Variants in DHX8 observed in about 807,000 individuals in gnomAD.
The protein encoded by DHX8 is ATP-dependent RNA helicase DHX8.
DHX8 carries 67 observed loss-of-function variants against 140.7 expected under a neutral mutation model. The observed-to-expected ratio is 0.48, with a 90% CI of 0.39 to 0.58. DHX8 has a LOEUF of 0.58. Ranked by LOEUF, DHX8 falls within the 20% of genes least tolerant of loss-of-function variation. DHX8 has a pLI of 0.00. For missense variants in DHX8, 887 were observed against 1,550.7 expected (o/e 0.57, Z 7.19); for synonymous variants, 533 against 553.2 (o/e 0.96, Z 0.51).
intron 8 of DHX8, 101 bp downstream of exon 8, chr17:43,493,987 A>G: frequency 2.5e-6 from 3 of 1,193,712 alleles, no homozygotes; most frequent in Non-Finnish European, 3.6e-6. Flanking sequence ...ACTTTTGGCC[A>G]CTGTATTAGT....
chr17:43,497,323 T>C (rs891873922), intron 9 of DHX8, among the ~76,000 whole-genome samples: 25 of 152,368 alleles, frequency 1.6e-4, no homozygotes, highest in African/African-American at 6.0e-4. Flanking sequence ...CTATAATTTA[T>C]CCATTTTACT....
In DHX8 at chr17:43,492,745, A is replaced by G. The variant is rs1378908417; in HGVS notation, c.568A>G (p.Arg190Gly). Residue 190 changes from arginine (R) to glycine (G), a missense_variant, in exon 6 of 23, where the codon AGG becomes GGG. Arg to Gly is a moderately radical substitution (Grantham distance 125). Around this residue, in one of 9 missense-constraint regions of DHX8, gnomAD observed 304 missense variants for 306.9 expected, o/e 0.99. Coordinates refer to ENST00000262415, the MANE Select transcript of DHX8 (RefSeq NM_004941.3). ...RDRNRDRDRD[R>G]ERNRDRDHKR... ...TCGAAACCGAGATCGAGACAGAGATAGGGAACGAAACCGAGATAGAGACCA... is the reference window on the plus strand; with the variant it reads ...TCGAAACCGAGATCGAGACAGAGATGGGGAACGAAACCGAGATAGAGACCA... 6.2e-7 allele frequency: 1 copy of G among 1,613,936 alleles called. No individual in the cohort carries two copies. Among genetic ancestry groups the G allele is most frequent in the South Asian group, 1.1e-5 (1 of 91,078 alleles).
chr17:43,508,317 G>T, intron 15 of DHX8, 22 bp from the exon 16 acceptor site: 1 of 1,598,832 alleles, frequency 6.3e-7, no homozygotes, highest in Middle Eastern at 1.7e-4. Context: ...GAAAGTAGAT[G>T]AATGTTCTAT....
chr17:43,543,274 ACACT>A (rs1234004095), intron 3 of DHX8, among the ~76,000 whole-genome samples: 5 of 41,496 alleles, frequency 1.2e-4, no homozygotes, highest in Non-Finnish European at 2.2e-4. Context: ...TAACACACAC[ACACT>A]CTCTCTCTCT....
At chr17:43,532,635 C>T in intron 2 of DHX8, 4 of 1,576,490 alleles carry the variant, frequency 2.5e-6, no homozygotes, top group Non-Finnish European at 3.5e-6. Flanking sequence ...TAACTGAACA[C>T]TTGATCACAT....
At chr17:43,519,986 G>A in intron 18 of DHX8, 144 bp from the exon 19 acceptor site, 2 of 802,352 alleles carry the variant, frequency 2.5e-6, no homozygotes, top group South Asian at 3.2e-5. Context: ...ATGTGGCCCA[G>A]CCCTGGAAGT....
At chr17:43,512,052 C>T (rs911843883) in intron 16 of DHX8, among the ~76,000 whole-genome samples, 1 of 151,850 alleles carries the variant, frequency 6.6e-6, no homozygotes, top group Non-Finnish European at 1.5e-5. Context: ...TTTGTGTGGA[C>T]GTATGTTTTC....
chr17:43,534,959 G>T (rs1392007681), intron 2 of DHX8, among the ~76,000 whole-genome samples: 1 of 152,130 alleles, frequency 6.6e-6, no homozygotes, highest in Non-Finnish European at 1.5e-5. Flanking sequence ...ATAAATAAAA[G>T]AATCTTTCTT....
chr17:43,538,188 T>C (rs72833142), intron 3 of DHX8, among the ~76,000 whole-genome samples: 31,953 of 148,862 alleles, frequency 0.21, 3,833 homozygotes, highest in East Asian at 0.32. Flanking sequence ...ACGCCTGTAA[T>C]CCCAACTATT....
chr17:43,495,471 C>G (rs1380642670), intron 8 of DHX8, among the ~76,000 whole-genome samples: 2 of 152,002 alleles, frequency 1.3e-5, no homozygotes, highest in African/African-American at 4.8e-5. Flanking sequence ...TAGAGACAGT[C>G]TTGCCGTGTT....
Position 43,520,231 on chromosome 17 carries a change from G to T in DHX8, c.2901G>T (p.Leu967=), listed in dbSNP as rs778644626. ...AGCAGCTGTACACACTGGGGGCCCTGGATGACGAGGGCCTGCTCACTCGCT... is the reference window on the plus strand; with the variant it reads ...AGCAGCTGTACACACTGGGGGCCCTTGATGACGAGGGCCTGCTCACTCGCT... ...AMEQLYTLGA[L]DDEGLLTRLG... is the part of the protein sequence containing the mutation. The change falls in exon 19 of 23, where the codon CTG becomes CTT. Residue 967 remains leucine, a synonymous_variant. Coordinates refer to ENST00000262415, the MANE Select transcript of DHX8 (RefSeq NM_004941.3). The T allele has an allele frequency of 1.2e-6, 2 of 1,614,168 alleles. No individual in the cohort carries two copies. Among genetic ancestry groups the T allele is most frequent in the Non-Finnish European group, 1.7e-6 (2 of 1,180,022 alleles).
At chr17:43,489,568 T>C in intron 2 of DHX8, 34 bp downstream of exon 2, 2 of 1,370,734 alleles carry the variant, frequency 1.5e-6, no homozygotes, top group Non-Finnish European at 1.0e-6. Flanking sequence ...TCTGTAGATA[T>C]TAATGTTTTA....
At chr17:43,496,955 A>G (rs1476730187) in intron 9 of DHX8, among the ~76,000 whole-genome samples, 1 of 152,170 alleles carries the variant, frequency 6.6e-6, no homozygotes, top group Non-Finnish European at 1.5e-5. Flanking sequence ...ATGAAATCTT[A>G]TGATAGAATT....
intron 5 of DHX8, 83 bp downstream of exon 5, chr17:43,492,375 G>T (rs1008683586): frequency 1.3e-5 from 14 of 1,091,750 alleles, no homozygotes; most frequent in Non-Finnish European, 1.9e-5. Flanking sequence ...AAAATTTTGG[G>T]CAAGTTTACA....
At position 43,525,211 on chromosome 17, in the gene DHX8, A is replaced by G; in HGVS notation, c.*1364A>G. The G allele has an allele frequency of 2.0e-6, 2 of 985,476 alleles. No homozygotes were observed. Among genetic ancestry groups the G allele is most frequent in the Non-Finnish European group, 2.4e-6 (2 of 829,946 alleles). 61.0% of individuals were successfully genotyped at this position (985,476 alleles called of 1,614,324 possible). ...TAGAGAAGCTTCTGAGAGATTGGGC[A>G]CATCCTGTTACGTTGCTGCTTCTCC... On this transcript the variant is annotated 3_prime_UTR_variant, in exon 23 of 23. Transcript: ENST00000262415.
At chr17:43,536,649 AT>A (rs1971258821) in intron 3 of DHX8, among the ~76,000 whole-genome samples, 2 of 152,392 alleles carry the variant, frequency 1.3e-5, no homozygotes, top group African/African-American at 2.4e-5. Flanking sequence ...AAATACACAA[AT>A]ACACTAACAC....
chr17:43,533,712 T>C (rs941591039), intron 2 of DHX8: 2 of 1,025,798 alleles, frequency 1.9e-6, no homozygotes, highest in Non-Finnish European at 2.8e-6. Flanking sequence ...AGGAAATCCT[T>C]AGCTGTATTG....
At chr17:43,533,294 A>C (rs750503447) in intron 2 of DHX8, 10 of 1,613,906 alleles carry the variant, frequency 6.2e-6, no homozygotes, top group Non-Finnish European at 8.5e-6. Flanking sequence ...GCGACTGTCC[A>C]AGGGCACCAG....
At chr17:43,526,492 G>A (rs1970622931), downstream of DHX8, 2 of 1,535,470 alleles carry the variant, frequency 1.3e-6, no homozygotes, top group Admixed American at 2.0e-5. Context: ...TGTCTCTCCT[G>A]CAGCCCAAAG....
Sources: gnomAD v4.1 joint callset for allele counts (sites outside exome capture counted in the v4.1 genomes callset) on GRCh38, gnomAD v4.1.1 for gene constraint, gnomAD v4.1.1 regional missense constraint, MANE v1.5 for transcripts, NCBI Gene and HGNC (gene_info 2026-07-23, HGNC 2026-07-21) for gene names.